The following FCHO2 variants were observed in gnomAD, a reference collection of about 807,000 sequenced individuals.
FCHO2 encodes the protein F-BAR domain only protein 2.
A neutral mutation model predicts 114.1 loss-of-function variants in FCHO2; 43 were observed. The ratio of observed to expected loss-of-function variants is 0.38; its 90% confidence interval spans 0.30 to 0.49. The LOEUF is 0.49. Among genes scored for constraint, FCHO2 ranks in the 20% least tolerant of loss-of-function variants. The probability of loss-of-function intolerance (pLI) is 0.97; values close to 1 mark genes in which losing one functional copy is unlikely to be tolerated. For missense variants in FCHO2, 807 were observed against 950.4 expected (o/e 0.85, Z 1.98); for synonymous variants, 293 against 315.2 (o/e 0.93, Z 0.75).
At chr5:72,975,294 G>C (rs1752796941) in intron 2 of FCHO2, among the ~76,000 whole-genome samples, 1 of 152,036 alleles carries the variant, frequency 6.6e-6, no homozygotes, top group East Asian at 1.9e-4. Context: ...AATGAGAAAG[G>C]AAAAAACGTA....
At chr5:72,990,105 T>G (rs1484798978) in intron 3 of FCHO2, among the ~76,000 whole-genome samples, 4 of 151,950 alleles carry the variant, frequency 2.6e-5, no homozygotes, top group East Asian at 3.8e-4. Flanking sequence ...ATGAAGTATT[T>G]TAAATGGAAT....
At chr5:73,031,880 T>C (rs2112787575) in intron 8 of FCHO2, among the ~76,000 whole-genome samples, 1 of 152,384 alleles carries the variant, frequency 6.6e-6, no homozygotes, top group East Asian at 1.9e-4. Context: ...AGAGCAGTTA[T>C]TTATTTTGAC....
At chr5:72,998,015 AT>A (rs917929229) in intron 5 of FCHO2, among the ~76,000 whole-genome samples, 23 of 147,744 alleles carry the variant, frequency 1.6e-4, no homozygotes, top group Admixed American at 3.4e-4. Flanking sequence ...TTGTGATTTG[AT>A]TTTTTTTTTT....
intron 2 of FCHO2, among the ~76,000 whole-genome samples, chr5:72,970,696 A>G (rs558378360): frequency 5.4e-5 from 8 of 148,322 alleles, no homozygotes; most frequent in Non-Finnish European, 1.0e-4. Flanking sequence ...CTTTTTTTTT[A>G]TTTTTTATTT....
intron 15 of FCHO2, chr5:73,055,093 C>T: frequency 2.6e-6 from 1 of 381,014 alleles, no homozygotes; most frequent in Admixed American, 2.7e-5. Context: ...ACTTTAACAT[C>T]AGTTTTATTA....
At chr5:72,979,929 T>C (rs1158499111) in intron 2 of FCHO2, among the ~76,000 whole-genome samples, 1 of 152,204 alleles carries the variant, frequency 6.6e-6, no homozygotes, top group Non-Finnish European at 1.5e-5. Flanking sequence ...GAACGCTGTT[T>C]CATGTCTCTA....
chr5:72,996,708 G>A (rs1258429635), intron 5 of FCHO2, among the ~76,000 whole-genome samples: 4 of 152,112 alleles, frequency 2.6e-5, no homozygotes, highest in Admixed American at 6.5e-5. Flanking sequence ...GGCTGCCAAC[G>A]CCTGTCCGCC....
intron 5 of FCHO2, chr5:72,996,967 C>G: frequency 1.2e-6 from 2 of 1,607,508 alleles, no homozygotes; most frequent in Non-Finnish European, 1.7e-6. Context: ...TCGTGGCCTT[C>G]GCCGCCAAGC....
At chr5:73,005,133 T>C (rs1265569327) in intron 5 of FCHO2, among the ~76,000 whole-genome samples, 1 of 152,204 alleles carries the variant, frequency 6.6e-6, no homozygotes, top group Non-Finnish European at 1.5e-5. Context: ...ACATATATAC[T>C]TAATATAGTA....
chr5:72,966,996 A>G (rs1752237919), intron 1 of FCHO2, among the ~76,000 whole-genome samples: 1 of 152,164 alleles, frequency 6.6e-6, no homozygotes, highest in Non-Finnish European at 1.5e-5. Context: ...TTAATATCTC[A>G]TTAATTAGGC....
chr5:73,068,599 A>AT, intron 18 of FCHO2, 51 bp from the exon 19 acceptor site: 1 of 1,578,054 alleles, frequency 6.3e-7, no homozygotes, highest in Non-Finnish European at 8.6e-7. Context: ...ATCTTCTCTA[A>AT]CAAGAGAGGT....
At chr5:73,001,476 TGAAAA>T (rs1236734995) in intron 5 of FCHO2, among the ~76,000 whole-genome samples, 4 of 142,044 alleles carry the variant, frequency 2.8e-5, no homozygotes, top group Non-Finnish European at 6.2e-5. Flanking sequence ...AAAAAAGAAA[TGAAAA>T]GAAATTTCTT....
At chr5:73,026,626 T>G (rs563448330) in intron 8 of FCHO2, among the ~76,000 whole-genome samples, 7 of 152,322 alleles carry the variant, frequency 4.6e-5, no homozygotes, top group Admixed American at 4.6e-4. Flanking sequence ...AATTTTTTTC[T>G]AACTCGTTAT....
At chr5:73,011,181 T>C (rs1287570794) in intron 6 of FCHO2, among the ~76,000 whole-genome samples, 3 of 152,146 alleles carry the variant, frequency 2.0e-5, no homozygotes, top group Non-Finnish European at 4.4e-5. Flanking sequence ...AGTGAATGAG[T>C]AGTGAGTAAA....
chr5:73,040,171 A>G (rs1756738966), intron 10 of FCHO2, among the ~76,000 whole-genome samples: 2 of 152,122 alleles, frequency 1.3e-5, no homozygotes, highest in African/African-American at 4.8e-5. Context: ...TAAGATTTTG[A>G]CACACATTGC....
At chr5:73,038,242 TC>T (rs1242224370) in intron 10 of FCHO2, 1 of 152,186 alleles carries the variant, frequency 6.6e-6, no homozygotes, top group Non-Finnish European at 1.5e-5. Flanking sequence ...CCACCTCAGA[TC>T]AATTAAATCA....
chr5:73,048,190 C>G (rs1757154242), intron 11 of FCHO2, among the ~76,000 whole-genome samples: 1 of 151,912 alleles, frequency 6.6e-6, no homozygotes, highest in Non-Finnish European at 1.5e-5. Flanking sequence ...TGGGTCATGC[C>G]TGTAATCCCA....
intron 8 of FCHO2, among the ~76,000 whole-genome samples, chr5:73,025,150 T>A (rs575611336): frequency 1.3e-5 from 2 of 152,226 alleles, no homozygotes; most frequent in South Asian, 2.1e-4. Flanking sequence ...TAAATATTAT[T>A]TCCCTGGTTG....
chr5:73,054,411 G>T, intron 14 of FCHO2, 114 bp from the exon 15 acceptor site: 1 of 953,606 alleles, frequency 1.0e-6, no homozygotes, highest in South Asian at 1.6e-5. Flanking sequence ...CTTTACAATT[G>T]AGCAGATATA....
Sources: gnomAD v4.1 joint callset for allele counts (sites outside exome capture counted in the v4.1 genomes callset) on GRCh38, gnomAD v4.1.1 for gene constraint, MANE v1.5 for transcripts, NCBI Gene and HGNC (gene_info 2026-07-23, HGNC 2026-07-21) for gene names.